HHAT: variants seen among roughly 807,000 people sequenced by gnomAD.
The protein encoded by HHAT is protein-cysteine N-palmitoyltransferase HHAT.
A neutral mutation model predicts 70.8 loss-of-function variants in HHAT; 47 were observed. The ratio of observed to expected loss-of-function variants is 0.66; its 90% confidence interval spans 0.53 to 0.85. The LOEUF (loss-of-function observed/expected upper bound fraction) is 0.85. Ranked by LOEUF, HHAT falls within the 40% of genes least tolerant of loss-of-function variation. The pLI is 0.00. For synonymous variants in HHAT, 228 were observed against 247.6 expected, an observed-to-expected ratio of 0.92 and a Z score of 0.74; for missense variants, 609 against 604.8, an observed-to-expected ratio of 1.01 and a Z score of -0.07.
chr1:210,400,465 C>T lies in HHAT; in HGVS notation c.274-3C>T. On this transcript the variant is annotated splice_region_variant and splice_polypyrimidine_tract_variant and intron_variant, in intron 4 of 11. Coordinates refer to ENST00000261458, the MANE Select transcript of HHAT (RefSeq NM_018194.6). ...CTCTCTGGATGGGCCCCACCATTTG[C>T]AGCACAGACCCTGGATTCTCATGCT... is the stretch of plus-strand genomic sequence containing the variant. The T allele has an allele frequency of 6.2e-7, 1 of 1,603,612 alleles. No homozygotes were observed. The highest frequency in any genetic ancestry group is 8.5e-7 in the Non-Finnish European group (1 of 1,174,716).
At chr1:210,655,859 C>T (rs1157560847) in intron 11 of HHAT, among the ~76,000 whole-genome samples, 1 of 152,138 alleles carries the variant, frequency 6.6e-6, no homozygotes, top group African/African-American at 2.4e-5. Context: ...CTTGGACTGA[C>T]TTTCTGGGGG....
At chr1:210,508,277 A>C (rs2094897043) in intron 8 of HHAT, among the ~76,000 whole-genome samples, 1 of 151,720 alleles carries the variant, frequency 6.6e-6, no homozygotes, top group African/African-American at 2.4e-5. Context: ...ACTATGTAAT[A>C]ATAATGATAA....
intron 8 of HHAT, among the ~76,000 whole-genome samples, chr1:210,504,698 A>G (rs1163441642): frequency 6.6e-6 from 1 of 152,142 alleles, no homozygotes; most frequent in East Asian, 1.9e-4. Flanking sequence ...CTGATCCATA[A>G]GAGCATGTCA....
chr1:210,408,115 C>T (rs1383274860), intron 6 of HHAT, among the ~76,000 whole-genome samples: 4 of 152,252 alleles, frequency 2.6e-5, no homozygotes, highest in African/African-American at 9.6e-5. Flanking sequence ...CTCAGGATTG[C>T]TGTGAGGATT....
intron 11 of HHAT, among the ~76,000 whole-genome samples, chr1:210,645,088 G>A (rs1673754565): frequency 6.6e-6 from 1 of 152,118 alleles, no homozygotes; most frequent in African/African-American, 2.4e-5. Flanking sequence ...AAGGTGGTTA[G>A]TATAATCTCT....
chr1:210,364,315 T>C (rs905003846), intron 3 of HHAT, among the ~76,000 whole-genome samples: 2 of 152,220 alleles, frequency 1.3e-5, no homozygotes, highest in African/African-American at 4.8e-5. Context: ...GGAAGCTTTG[T>C]CACAAAGTGG....
At chr1:210,485,012 A>G (rs2094453383) in intron 8 of HHAT, among the ~76,000 whole-genome samples, 2 of 152,146 alleles carry the variant, frequency 1.3e-5, no homozygotes, top group South Asian at 4.1e-4. Context: ...AAGATGAGGT[A>G]TGGGCTAGAG....
At chr1:210,624,624 G>A (rs1000973599) in intron 11 of HHAT, among the ~76,000 whole-genome samples, 2 of 152,186 alleles carry the variant, frequency 1.3e-5, no homozygotes, top group African/African-American at 2.4e-5. Flanking sequence ...AATATCCAAA[G>A]CAAAACCATA....
At chr1:210,486,472 C>T (rs2094474026) in intron 8 of HHAT, among the ~76,000 whole-genome samples, 1 of 152,176 alleles carries the variant, frequency 6.6e-6, no homozygotes, top group African/African-American at 2.4e-5. Flanking sequence ...TGTCTAGATG[C>T]TGGGTCCCCT....
chr1:210,546,449 G>T (rs2148672205), intron 9 of HHAT, among the ~76,000 whole-genome samples: 1 of 152,310 alleles, frequency 6.6e-6, no homozygotes, highest in South Asian at 2.1e-4. Context: ...TGAGGAGGAA[G>T]CAGCTGGCAC....
chr1:210,432,634 T>C (rs1471944542), intron 7 of HHAT, among the ~76,000 whole-genome samples: 2 of 151,946 alleles, frequency 1.3e-5, no homozygotes, highest in African/African-American at 2.4e-5. Flanking sequence ...TAGATGGCCT[T>C]GCTATCACAT....
At chr1:210,358,519 T>C (rs1442499707) in intron 2 of HHAT, among the ~76,000 whole-genome samples, 1 of 152,202 alleles carries the variant, frequency 6.6e-6, no homozygotes, top group African/African-American at 2.4e-5. Context: ...CCACCCCCTT[T>C]CTGTAGGATA....
intron 9 of HHAT, among the ~76,000 whole-genome samples, chr1:210,547,997 T>G (rs1316956138): frequency 3.3e-5 from 5 of 152,180 alleles, no homozygotes; most frequent in Non-Finnish European, 7.3e-5. Context: ...TAAGGTGGTG[T>G]TTATAGGAAA....
intron 1 of HHAT, among the ~76,000 whole-genome samples, chr1:210,334,649 A>G (rs908899807): frequency 3.3e-5 from 5 of 151,674 alleles, no homozygotes; most frequent in Non-Finnish European, 5.9e-5. Flanking sequence ...GATGTATGTC[A>G]TATAGTGTAT....
At chr1:210,556,044 A>G (rs1287930661) in intron 9 of HHAT, among the ~76,000 whole-genome samples, 1 of 152,118 alleles carries the variant, frequency 6.6e-6, no homozygotes, top group Non-Finnish European at 1.5e-5. Flanking sequence ...TTCATTTGAA[A>G]AAGTATTTTG....
At chr1:210,334,240 C>T (rs775147812) in intron 1 of HHAT, among the ~76,000 whole-genome samples, 4 of 136,530 alleles carry the variant, frequency 2.9e-5, no homozygotes, top group Non-Finnish European at 6.1e-5. Context: ...GATCACAGCT[C>T]ACTGCAGCCT....
intron 9 of HHAT, among the ~76,000 whole-genome samples, chr1:210,577,300 A>G (rs950193386): frequency 6.6e-6 from 1 of 152,218 alleles, no homozygotes; most frequent in Non-Finnish European, 1.5e-5. Flanking sequence ...AATGTCAAAC[A>G]TGTTAGCTGT....
At chr1:210,489,516 C>T (rs1199155586) in intron 8 of HHAT, among the ~76,000 whole-genome samples, 1 of 152,198 alleles carries the variant, frequency 6.6e-6, no homozygotes, top group Non-Finnish European at 1.5e-5. Context: ...GACTTGTGCT[C>T]ATAATTGTCC....
At chr1:210,621,664 C>T (rs1275414720) in intron 10 of HHAT, among the ~76,000 whole-genome samples, 3 of 152,168 alleles carry the variant, frequency 2.0e-5, no homozygotes, top group Non-Finnish European at 4.4e-5. Flanking sequence ...TAACAGTTTT[C>T]ACACCATGTA....
Sources: allele counts gnomAD v4.1 joint callset (sites outside exome capture counted in the v4.1 genomes callset), GRCh38; gene constraint gnomAD v4.1.1; transcripts MANE v1.5; gene names NCBI Gene and HGNC (gene_info 2026-07-23, HGNC 2026-07-21).